SMC1A: variants seen among roughly 807,000 people sequenced by gnomAD.
SMC1A encodes structural maintenance of chromosomes 1A.
Under a neutral mutation model 94.5 loss-of-function variants are expected in SMC1A, and 4 were observed. The ratio of observed to expected loss-of-function variants is 0.04; its 90% CI spans 0.02 to 0.10. The LOEUF (loss-of-function observed/expected upper bound fraction) is 0.10, where lower values mean the gene tolerates loss of function less well. SMC1A is among the 10% of genes least tolerant of loss of function. The probability of loss-of-function intolerance (pLI) is 1.00; values close to 1 mark genes in which losing one functional copy is unlikely to be tolerated. For synonymous variants in SMC1A, 345 were observed against 347.7 expected (o/e 0.99, Z 0.09); for missense variants, 304 against 989.0 (o/e 0.31, Z 9.29).
In SMC1A at chrX:53,391,343, G is replaced by A. The variant is rs144089058; in HGVS notation, c.2973+3435C>T. Among the ~76,000 whole-genome samples the A allele has an allele frequency of 9.6e-3, 1,046 of 109,269 alleles. 7 individuals carry two copies. Among genetic ancestry groups the A allele is most frequent in the Non-Finnish European group, 0.014 (748 of 52,435 alleles). The allele number at this position is 109,269 out of a possible 115,157, so 94.9% of individuals were successfully genotyped here. ...ACAAAAACAAAGAAAAATGGGCCAGGTGCAGAGGCTCACACCTGTAATCCC... is the reference window on the plus strand; with the variant it reads ...ACAAAAACAAAGAAAAATGGGCCAGATGCAGAGGCTCACACCTGTAATCCC... On this transcript the variant is annotated intron_variant, in intron 19 of 24. Transcript: ENST00000322213.
intron 18 of SMC1A, among the ~76,000 whole-genome samples, chrX:53,395,237 G>T (rs782026125): frequency 5.8e-4 from 65 of 112,280 alleles, no homozygotes; most frequent in African/African-American, 2.1e-3. Context: ...CAGCTACATG[G>T]GAGACTGAGG....
At chrX:53,404,717 TCAGGTGATCCA>T (rs1221315454) in intron 13 of SMC1A, among the ~76,000 whole-genome samples, 18 of 111,407 alleles carry the variant, frequency 1.6e-4, no homozygotes, top group African/African-American at 5.2e-4. Context: ...ACTCCTGACC[TCAGGTGATCCA>T]CAGGTGATCC....
intron 7 of SMC1A, 94 bp downstream of exon 7, chrX:53,411,667 T>C (rs2075713394): frequency 9.6e-7 from 1 of 1,041,974 alleles, no homozygotes; most frequent in African/African-American, 1.8e-5. Context: ...ACCGGAAACG[T>C]TTCAGATTTT....
At chrX:53,411,349 T>C (rs1340221993) in intron 7 of SMC1A, among the ~76,000 whole-genome samples, 1 of 111,070 alleles carries the variant, frequency 9.0e-6, no homozygotes, top group Non-Finnish European at 1.9e-5. Flanking sequence ...CCCAGCACTT[T>C]GGGAGGCCGA....
chrX:53,379,116 G>A lies in SMC1A; in HGVS notation c.*987C>T, dbSNP rs781988044. ...TCGGCACCTAGTGGGCTCCACGAAG[G>A]GATAAGGCCTCCAGTGAGGAGCTTG... On this transcript the variant is annotated 3_prime_UTR_variant, in exon 25 of 25. Coordinates refer to ENST00000322213, the MANE Select transcript of SMC1A (RefSeq NM_006306.4). 1 of 111,815 alleles carries A rather than the reference G, an allele frequency of 8.9e-6. No individual in the cohort carries two copies. The highest frequency in any genetic ancestry group is 1.9e-5 in the Non-Finnish European group (1 of 53,153). 9.2% of individuals were successfully genotyped at this position (111,815 alleles called of 1,213,427 possible). A position where few individuals can be genotyped will look rare whatever the true frequency, so the allele number is the denominator to read the frequency against.
Position 53,382,523 on chromosome X carries a change from G to A in SMC1A, c.3268C>T (p.Arg1090Cys), listed in dbSNP as rs2146582558. 1.7e-6 allele frequency: 2 copies of A among 1,210,275 alleles called. No homozygotes were observed. Among genetic ancestry groups the A allele is most frequent in the Non-Finnish European group, 2.2e-6 (2 of 894,756 alleles). ...CAGCCTACCTGGGCACTGCTATTGC[G>A]GGACAGGGCCTTATAGATCTCATCA... ...NIDEIYKALS[R>C]NSSAQAFLGP... Residue 1090 changes from arginine to cysteine, a missense_variant, in exon 21 of 25, where the codon CGC (arginine) becomes TGC (cysteine). Coordinates refer to ENST00000322213, the MANE Select transcript of SMC1A (RefSeq NM_006306.4).
At chrX:53,387,301 CTAA>C (rs1393245672) in intron 19 of SMC1A, among the ~76,000 whole-genome samples, 2 of 111,990 alleles carry the variant, frequency 1.8e-5, no homozygotes, top group South Asian at 3.6e-4. Flanking sequence ...GGCCCTTTTA[CTAA>C]TAATATCTTA....
chrX:53,396,451 C>T, intron 17 of SMC1A, 21 bp downstream of exon 17: 1 of 1,211,310 alleles, frequency 8.3e-7, no homozygotes, highest in Non-Finnish European at 1.1e-6. Flanking sequence ...GTCCTCCCAC[C>T]CCAGGCCTGA....
At chrX:53,418,761 G>C (rs1371234986) in intron 1 of SMC1A, among the ~76,000 whole-genome samples, 1 of 111,916 alleles carries the variant, frequency 8.9e-6, no homozygotes, top group Admixed American at 9.4e-5. Context: ...TAAAAGTTTA[G>C]GCCGGGTGCA....
At chrX:53,407,906 T>G (rs1373339724) in intron 9 of SMC1A, among the ~76,000 whole-genome samples, 2 of 111,880 alleles carry the variant, frequency 1.8e-5, no homozygotes, top group Non-Finnish European at 3.8e-5. Context: ...AGCAATGACT[T>G]CAGGCAGTCG....
intron 19 of SMC1A, among the ~76,000 whole-genome samples, chrX:53,391,238 C>T (rs1556887240): frequency 9.1e-6 from 1 of 109,836 alleles, no homozygotes; most frequent in South Asian, 3.8e-4. Context: ...TCACTTGAAC[C>T]CAGGAGGCAA....
In SMC1A at chrX:53,378,432, G is replaced by A. The variant is rs1159323747; in HGVS notation, c.*1671C>T. The A allele has an allele frequency of 1.8e-5, 2 of 112,389 alleles. No homozygotes were observed. Among genetic ancestry groups the A allele is most frequent in the South Asian group, 3.6e-4 (1 of 2,770 alleles). 9.3% of individuals were successfully genotyped at this position (112,389 alleles called of 1,213,427 possible). On this transcript the variant is annotated 3_prime_UTR_variant, in exon 25 of 25. Transcript: ENST00000322213. ...AACATGCACAGATCTCAAAAACATC[G>A]TTAAGCAAAGAAAACAAATTGCTAA...
chrX:53,422,395 G>A, intron 1 of SMC1A, 97 bp downstream of exon 1: 1 of 615,480 alleles, frequency 1.6e-6, no homozygotes, highest in Non-Finnish European at 2.7e-6. Flanking sequence ...AAGGGTCCGC[G>A]ACGTTTCAGG....
intron 1 of SMC1A, chrX:53,422,143 G>A (rs2075760859): frequency 2.1e-6 from 2 of 962,102 alleles, no homozygotes; most frequent in Middle Eastern, 4.1e-4. Context: ...GCCGGCTCCG[G>A]CCGGTCCGGC....
chrX:53,391,807 T>C (rs1421370050), intron 19 of SMC1A, among the ~76,000 whole-genome samples: 1 of 111,702 alleles, frequency 9.0e-6, no homozygotes, highest in Non-Finnish European at 1.9e-5. Flanking sequence ...TTTTTTTATT[T>C]TTTGAGACAG....
chrX:53,391,941 C>A (rs1569354113), intron 19 of SMC1A, among the ~76,000 whole-genome samples: 2 of 110,588 alleles, frequency 1.8e-5, no homozygotes, highest in African/African-American at 6.6e-5. Context: ...AACCCCCCTA[C>A]CCCAGTTACG....
intron 24 of SMC1A, 57 bp from the exon 25 acceptor site, chrX:53,380,243 T>G: frequency 3.4e-6 from 3 of 870,946 alleles, no homozygotes; most frequent in Non-Finnish European, 5.0e-6. Context: ...TTAAGAGGGG[T>G]CTAGTGCCCC....
At chrX:53,388,081 C>A (rs1436913644) in intron 19 of SMC1A, among the ~76,000 whole-genome samples, 1 of 111,355 alleles carries the variant, frequency 9.0e-6, no homozygotes, top group Admixed American at 9.6e-5. Flanking sequence ...CATTTTGCAA[C>A]CCCTGACTAA....
At position 53,405,269 on chromosome X, in the gene SMC1A, C is replaced by T. The variant is rs782008528; in HGVS notation, c.2034G>A (p.Lys678=). The T allele has an allele frequency of 3.0e-5, 36 of 1,210,700 alleles. No homozygotes were observed. In the East Asian group the frequency reaches 9.8e-4, roughly 33 times the overall value. The change falls in exon 12 of 25, where the codon AAG becomes AAA. Residue 678 remains lysine, a synonymous_variant. Coordinates refer to ENST00000322213, the MANE Select transcript of SMC1A (RefSeq NM_006306.4). The part of the protein sequence containing the change: ...EKAVDKLKEK[K]ERLTEELKEQ... Reference sequence around the variant, plus strand: ...CTTTCAGCTCCTCTGTCAAGCGCTCCTTCTTCTCTTTCAACTTGTCTACTG... The same window carrying T: ...CTTTCAGCTCCTCTGTCAAGCGCTCTTTCTTCTCTTTCAACTTGTCTACTG...
Sources: allele counts gnomAD v4.1 joint callset (sites outside exome capture counted in the v4.1 genomes callset), GRCh38; gene constraint gnomAD v4.1.1; transcripts MANE v1.5; gene names NCBI Gene and HGNC (gene_info 2026-07-23, HGNC 2026-07-21).